The following CCDC88A variants were observed in gnomAD, a reference collection of about 807,000 sequenced individuals.
CCDC88A encodes the protein coiled-coil and HOOK domain protein 88A.
Under a neutral mutation model 234.3 loss-of-function variants are expected in CCDC88A, and 54 were observed. The ratio of observed to expected loss-of-function variants is 0.23; its 90% CI spans 0.19 to 0.29. CCDC88A has a LOEUF of 0.29. CCDC88A is among the 10% of genes least tolerant of loss of function. The probability of loss-of-function intolerance (pLI) is 1.00; values close to 1 mark genes in which losing one functional copy is unlikely to be tolerated. For synonymous variants in CCDC88A, 753 were observed against 737.8 expected (o/e 1.02, Z -0.33); for missense variants, 1,832 against 2,123.4 (o/e 0.86, Z 2.70).
At chr2:55,355,850 A>C in intron 7 of CCDC88A, 99 bp from the exon 8 acceptor site, 1 of 850,280 alleles carries the variant, frequency 1.2e-6, no homozygotes, top group Non-Finnish European at 1.8e-6. Flanking sequence ...TGCCATATCA[A>C]AAACAATTCA....
At chr2:55,346,409 T>TTTTATTTA (rs562114439) in intron 9 of CCDC88A, 76 bp from the exon 10 acceptor site, 1 of 797,252 alleles carries the variant, frequency 1.3e-6, no homozygotes. Flanking sequence ...CAATTTGAAA[T>TTTTATTTA]TTTATTTATT....
At position 55,289,340 on chromosome 2, in the gene CCDC88A, T is replaced by C. The variant is rs1198666500; in HGVS notation, c.*1860A>G. On this transcript the variant is annotated 3_prime_UTR_variant, in exon 33 of 33. Coordinates refer to ENST00000436346, the MANE Select transcript of CCDC88A (RefSeq NM_001365480.1). ...CTGTATTTAGCCATAACATAATTTC[T>C]ATGTTTACTTTTATCCACCTAAAAA... The C allele has an allele frequency of 6.6e-6, 1 of 152,652 alleles. No homozygotes were observed. Among genetic ancestry groups the C allele is most frequent in the Non-Finnish European group, 1.5e-5 (1 of 68,012 alleles). 9.5% of individuals were successfully genotyped at this position (152,652 alleles called of 1,614,324 possible). A position where few individuals can be genotyped will look rare whatever the true frequency, so the allele number is the denominator to read the frequency against.
chr2:55,326,302 G>A (rs1684257616), intron 17 of CCDC88A, among the ~76,000 whole-genome samples: 1 of 151,992 alleles, frequency 6.6e-6, no homozygotes, highest in Non-Finnish European at 1.5e-5. Flanking sequence ...ACAGAGATAA[G>A]CCACTGTGCC....
intron 29 of CCDC88A, among the ~76,000 whole-genome samples, chr2:55,297,681 G>T (rs976635736): frequency 2.6e-5 from 4 of 151,490 alleles, no homozygotes; most frequent in Non-Finnish European, 5.9e-5. Flanking sequence ...AAAGTGCTGG[G>T]ATTACAGGTG....
intron 5 of CCDC88A, among the ~76,000 whole-genome samples, chr2:55,366,262 A>C (rs1464086950): frequency 2.0e-5 from 3 of 152,136 alleles, no homozygotes; most frequent in Non-Finnish European, 4.4e-5. Context: ...GTGATGGCTC[A>C]AGCCTGTAAT....
At chr2:55,361,668 T>A (rs778232114) in intron 7 of CCDC88A, among the ~76,000 whole-genome samples, 1 of 152,196 alleles carries the variant, frequency 6.6e-6, no homozygotes, top group Non-Finnish European at 1.5e-5. Flanking sequence ...AGTACTTTGC[T>A]CTGCTATTAA....
chr2:55,319,159 T>C (rs1683314700), intron 18 of CCDC88A, among the ~76,000 whole-genome samples, 155 bp from the exon 19 acceptor site: 1 of 151,738 alleles, frequency 6.6e-6, no homozygotes. Flanking sequence ...ACCAAAACAT[T>C]TCCCCCATCC....
rs1449377992 is a variant in CCDC88A, at chr2:55,374,724, T to C, written c.343+90A>G. On this transcript the variant is annotated intron_variant, in intron 4 of 32. Coordinates refer to ENST00000436346, the MANE Select transcript of CCDC88A (RefSeq NM_001365480.1). ...CTACAGTTGTGAAAAATCTAGTGAG[T>C]TAATGTATATAAGCTCTTAGTAAAA... 17 of 692,716 alleles carry C rather than the reference T, an allele frequency of 2.5e-5. No homozygotes were observed. The East Asian group carries it at 4.3e-4, about 18-fold the overall frequency. 42.9% of individuals were successfully genotyped at this position (692,716 alleles called of 1,614,324 possible).
At chr2:55,344,734 T>G (rs892833766) in intron 10 of CCDC88A, among the ~76,000 whole-genome samples, 6 of 152,164 alleles carry the variant, frequency 3.9e-5, no homozygotes, top group Admixed American at 1.3e-4. Flanking sequence ...TACTATAACT[T>G]CACATTAAAT....
At chr2:55,369,747 G>GGT (rs1323499333) in intron 5 of CCDC88A, among the ~76,000 whole-genome samples, 1 of 151,882 alleles carries the variant, frequency 6.6e-6, no homozygotes, top group African/African-American at 2.4e-5. Flanking sequence ...CCTTGAATAG[G>GGT]GTGTTTTCTC....
chr2:55,304,102 C>T (rs13398447), intron 25 of CCDC88A, among the ~76,000 whole-genome samples: 1 of 150,364 alleles, frequency 6.7e-6, no homozygotes, highest in Non-Finnish European at 1.5e-5. Context: ...TGAGCCCAGG[C>T]GTTCAAGACC....
chr2:55,338,950 G>T (rs1668123004), intron 13 of CCDC88A: 1 of 150,848 alleles, frequency 6.6e-6, no homozygotes, highest in Non-Finnish European at 1.5e-5. Flanking sequence ...CTCTAGCCCT[G>T]CTTATTCTTT....
At chr2:55,315,399 C>G (rs927229586) in intron 22 of CCDC88A, 8 of 152,188 alleles carry the variant, frequency 5.3e-5, no homozygotes, top group African/African-American at 1.9e-4. Flanking sequence ...TTAATAAATG[C>G]TTCTCAATTT....
rs148551336 is a variant in CCDC88A at position 55,309,735 on chromosome 2, C to CT, written c.4080-482dup. Reference sequence around the variant, plus strand: ...ATCAAAGATCATCAAAGTATTGTCTCTAAGAAAACCCCACAATGCCAAAGA... The same window carrying CT: ...ATCAAAGATCATCAAAGTATTGTCTCTTAAGAAAACCCCACAATGCCAAAGA... On this transcript the variant is annotated intron_variant, in intron 23 of 32. Coordinates refer to ENST00000436346, the MANE Select transcript of CCDC88A (RefSeq NM_001365480.1). This position sits in a 1 kb window ranked among gnomAD's most constrained non-coding sequence, Gnocchi z 5.1. 0.085 allele frequency among the ~76,000 whole-genome samples: 12,979 copies of CT among 151,990 alleles called. 1,292 individuals carry two copies. Among genetic ancestry groups the CT allele is most frequent in the African/African-American group, 0.24 (9,972 of 41,428 alleles).
At position 55,295,130 on chromosome 2, in the gene CCDC88A, G is replaced by A. The variant is rs908818114; in HGVS notation, c.5551+467C>T. On this transcript the variant is annotated intron_variant, in intron 31 of 32. Transcript: ENST00000436346. Reference sequence around the variant, plus strand: ...CAGAAACCAACAATGCAGCTTCTGTGTCATCAGGATAGAGGCATGCAGAAG... The same window carrying A: ...CAGAAACCAACAATGCAGCTTCTGTATCATCAGGATAGAGGCATGCAGAAG... 6 of 1,305,694 alleles carry A rather than the reference G, an allele frequency of 4.6e-6. No individual in the cohort carries two copies. The African/African-American group carries it at 9.1e-5, about 20-fold the overall frequency. The allele number at this position is 1,305,694 out of a possible 1,614,324, so 80.9% of individuals were successfully genotyped here.
chr2:55,399,906 T>C (rs774260531), intron 2 of CCDC88A: 3 of 152,180 alleles, frequency 2.0e-5, no homozygotes, highest in African/African-American at 7.2e-5. Context: ...AAAACACTCA[T>C]TCCTGTGTGT....
intron 17 of CCDC88A, among the ~76,000 whole-genome samples, chr2:55,325,558 A>T (rs1458560242): frequency 1.3e-5 from 2 of 152,180 alleles, no homozygotes; most frequent in African/African-American, 4.8e-5. Context: ...GATCACCAGT[A>T]CAGCATTTAA....
chr2:55,301,334 A>C, intron 27 of CCDC88A, 57 bp from the exon 28 acceptor site: 1 of 908,540 alleles, frequency 1.1e-6, no homozygotes, highest in Non-Finnish European at 1.7e-6. Context: ...AACCATTATA[A>C]AATTTTATTT....
intron 3 of CCDC88A, among the ~76,000 whole-genome samples, chr2:55,378,552 T>C (rs773143390): frequency 8.5e-5 from 13 of 152,280 alleles, no homozygotes; most frequent in Admixed American, 2.0e-4. Flanking sequence ...AAAATGATGA[T>C]AATTTAAAAA....
Sources: gnomAD v4.1 joint callset for allele counts (sites outside exome capture counted in the v4.1 genomes callset) on GRCh38, gnomAD v4.1.1 for gene constraint, Gnocchi (gnomAD v3.1) non-coding constraint, MANE v1.5 for transcripts, NCBI Gene and HGNC (gene_info 2026-07-23, HGNC 2026-07-21) for gene names.